The following MAPK8 variants were observed in gnomAD, a reference collection of about 807,000 sequenced individuals.
The protein encoded by MAPK8 is JUN N-terminal kinase.
Under a neutral mutation model 52.9 loss-of-function variants are expected in MAPK8, and 13 were observed. That is an observed-to-expected ratio of 0.25 (90% CI 0.16 to 0.39). MAPK8 has a LOEUF of 0.39. Among genes scored for constraint, MAPK8 ranks in the 10% least tolerant of loss-of-function variants. The pLI is 1.00. For missense variants in MAPK8, 300 were observed against 519.2 expected (o/e 0.58, Z 4.10); for synonymous variants, 191 against 169.8 (o/e 1.12, Z -0.97).
rs1315347974 is a variant in MAPK8, at chr10:48,438,408, G to A, written c.*3379G>A. ...AGCAGAAATGTATAGTTTGGGGTAC[G>A]ATTAGAAAACTCGTAAGGAAAACAG... On this transcript the variant is annotated 3_prime_UTR_variant, in exon 12 of 12. Transcript: ENST00000374189. 2.6e-5 allele frequency: 4 copies of A among 152,198 alleles called. No individual in the cohort carries two copies. The highest frequency in any genetic ancestry group is 7.2e-5 in the African/African-American group (3 of 41,450). 9.4% of individuals were successfully genotyped at this position (152,198 alleles called of 1,614,324 possible).
At chr10:48,405,424 C>A (rs1197898169) in intron 3 of MAPK8, among the ~76,000 whole-genome samples, 1 of 152,146 alleles carries the variant, frequency 6.6e-6, no homozygotes, top group Non-Finnish European at 1.5e-5. Flanking sequence ...CCACTCCCAC[C>A]TCTTTAAGTG....
In MAPK8 at chr10:48,407,749, CTT is replaced by C. The variant is rs1484282713; in HGVS notation, c.253-2127_253-2126del. 2.6e-5 allele frequency among the ~76,000 whole-genome samples: 4 copies of C among 152,256 alleles called. No individual in the cohort carries two copies. In the East Asian group the frequency reaches 7.7e-4, roughly 29 times the overall value. ...TCACCTCAGGATAAAAGAAAGAAATCTTTTATCCTTTAGCTGTCATTCCCCTA... is the reference window on the plus strand; with the variant it reads ...TCACCTCAGGATAAAAGAAAGAAATCTTATCCTTTAGCTGTCATTCCCCTA... On this transcript the variant is annotated intron_variant, in intron 3 of 11. Transcript: ENST00000374189.
intron 1 of MAPK8, among the ~76,000 whole-genome samples, chr10:48,378,806 C>T (rs962483893): frequency 6.6e-6 from 1 of 152,000 alleles, no homozygotes; most frequent in African/African-American, 2.4e-5. Context: ...CACTCTGTCA[C>T]TCAGGCTGTT....
At chr10:48,391,753 C>A (rs2041637692) in intron 1 of MAPK8, among the ~76,000 whole-genome samples, 1 of 152,168 alleles carries the variant, frequency 6.6e-6, no homozygotes, top group Non-Finnish European at 1.5e-5. Context: ...CCACCAGATA[C>A]CAGTCTCAGG....
intron 2 of MAPK8, among the ~76,000 whole-genome samples, chr10:48,402,631 C>T (rs1225187579): frequency 6.6e-6 from 1 of 152,172 alleles, no homozygotes; most frequent in Non-Finnish European, 1.5e-5. Flanking sequence ...TTATAAGCCT[C>T]ACTCAAGAAT....
At chr10:48,324,898 G>A (rs1454492532) in intron 1 of MAPK8, among the ~76,000 whole-genome samples, 3 of 151,866 alleles carry the variant, frequency 2.0e-5, no homozygotes, top group Non-Finnish European at 4.4e-5. Flanking sequence ...TTTTACCTGT[G>A]TGTTGAGTCT....
At chr10:48,432,231 A>G (rs1465326705) in intron 11 of MAPK8, among the ~76,000 whole-genome samples, 1 of 152,218 alleles carries the variant, frequency 6.6e-6, no homozygotes, top group Non-Finnish European at 1.5e-5. Flanking sequence ...AGAAACTTCT[A>G]CTTTTGAGGA....
chr10:48,419,929 A>C (rs2043261308), intron 5 of MAPK8, among the ~76,000 whole-genome samples: 1 of 152,234 alleles, frequency 6.6e-6, no homozygotes, highest in African/African-American at 2.4e-5. Context: ...CTAGCAATTA[A>C]AACATTACTA....
intron 10 of MAPK8, chr10:48,427,451 T>C (rs2043755332): frequency 6.7e-6 from 2 of 299,660 alleles, no homozygotes; most frequent in Non-Finnish European, 1.3e-5. Flanking sequence ...AAATCACGTA[T>C]GGTTGTGTAC....
intron 10 of MAPK8, 153 bp from the exon 11 acceptor site, chr10:48,431,040 C>A: frequency 3.1e-6 from 2 of 651,636 alleles, no homozygotes; most frequent in East Asian, 2.8e-5. Context: ...AATTAACATC[C>A]TTGAATCTTA....
intron 1 of MAPK8, among the ~76,000 whole-genome samples, chr10:48,348,946 A>G (rs1418777168): frequency 3.1e-5 from 3 of 96,310 alleles, no homozygotes; most frequent in Non-Finnish European, 6.7e-5. Flanking sequence ...AAGCAAATGG[A>G]AAGCAAAAAA....
intron 1 of MAPK8, among the ~76,000 whole-genome samples, chr10:48,320,831 A>G (rs1192635675): frequency 1.3e-5 from 2 of 152,132 alleles, no homozygotes; most frequent in Non-Finnish European, 1.5e-5. Flanking sequence ...ACCATTTTAC[A>G]TTTCCACCAG....
intron 3 of MAPK8, among the ~76,000 whole-genome samples, chr10:48,408,772 A>G (rs1300604913): frequency 6.6e-6 from 1 of 152,202 alleles, no homozygotes; most frequent in East Asian, 1.9e-4. Context: ...CTTAAACAAC[A>G]GAGATTTATT....
intron 1 of MAPK8, among the ~76,000 whole-genome samples, chr10:48,400,313 T>A (rs996946580): frequency 6.6e-6 from 1 of 152,200 alleles, no homozygotes; most frequent in South Asian, 2.1e-4. Flanking sequence ...CAAGTCTAAT[T>A]CCTCATTTGT....
intron 1 of MAPK8, among the ~76,000 whole-genome samples, chr10:48,346,600 T>A (rs902345284): frequency 2.6e-5 from 4 of 152,126 alleles, no homozygotes; most frequent in Non-Finnish European, 4.4e-5. Flanking sequence ...ACTTTGCTCC[T>A]CCACCTCTTG....
At chr10:48,356,290 CT>C (rs1002695791) in intron 1 of MAPK8, among the ~76,000 whole-genome samples, 4 of 152,070 alleles carry the variant, frequency 2.6e-5, no homozygotes, top group African/African-American at 9.7e-5. Context: ...AGACACATAA[CT>C]TTTCAGAGTC....
At chr10:48,349,104 A>G (rs1230055948) in intron 1 of MAPK8, among the ~76,000 whole-genome samples, 1 of 152,174 alleles carries the variant, frequency 6.6e-6, no homozygotes, top group Non-Finnish European at 1.5e-5. Flanking sequence ...TGCACCCAAT[A>G]CAGAAGCACC....
chr10:48,365,426 C>T (rs528963789), intron 1 of MAPK8, among the ~76,000 whole-genome samples: 4 of 152,230 alleles, frequency 2.6e-5, no homozygotes, highest in Admixed American at 2.6e-4. Context: ...AATATCCTCC[C>T]ATGACTGTAA....
At chr10:48,343,517 A>G (rs1881740) in intron 1 of MAPK8, among the ~76,000 whole-genome samples, 122,919 of 152,162 alleles carry the variant, frequency 0.81, 49,840 homozygotes, top group Middle Eastern at 0.9. Flanking sequence ...AGTATCTTCA[A>G]GGTAGCATTT....
Sources: gnomAD v4.1 joint callset for allele counts (sites outside exome capture counted in the v4.1 genomes callset) on GRCh38, gnomAD v4.1.1 for gene constraint, MANE v1.5 for transcripts, NCBI Gene and HGNC (gene_info 2026-07-23, HGNC 2026-07-21) for gene names.